The following SV2B variants were observed in gnomAD, a reference collection of about 807,000 sequenced individuals.
The protein encoded by SV2B is solute carrier family 22 member B2.
SV2B carries 41 observed loss-of-function variants against 73.9 expected under a neutral mutation model. The ratio of observed to expected loss-of-function variants is 0.56; its 90% CI spans 0.43 to 0.72. The LOEUF is 0.72. Among genes scored for constraint, SV2B ranks in the 30% least tolerant of loss-of-function variants. The pLI is 0.00. For synonymous variants in SV2B, 314 were observed against 314.2 expected (o/e 1.00, Z 0.01); for missense variants, 764 against 857.8 (o/e 0.89, Z 1.37).
Position 91,123,930 on chromosome 15 carries a change from G to A in SV2B, c.-392+23567G>A, listed in dbSNP as rs951117436. ...TATCTATAAATTACTCCCTTACCTA[G>A]AAATCACCTGGCACTGTTGCCCAGA... On this transcript the variant is annotated intron_variant, in intron 1 of 12. Transcript: ENST00000394232. This position sits in a 1 kb window ranked among gnomAD's most constrained non-coding sequence, Gnocchi z 4.7. Among the ~76,000 whole-genome samples the A allele has an allele frequency of 2.0e-5, 3 of 152,184 alleles. No individual in the cohort carries two copies. The highest frequency in any genetic ancestry group is 7.2e-5 in the African/African-American group (3 of 41,456).
rs2048066157 is a variant in SV2B, at chr15:91,265,431, C to G, written c.1009-1151C>G. 6.6e-6 allele frequency among the ~76,000 whole-genome samples: 1 copy of G among 152,182 alleles called. No individual in the cohort carries two copies. Among genetic ancestry groups the G allele is most frequent in the African/African-American group, 2.4e-5 (1 of 41,440 alleles). ...AGTGAGTAATTATGCTTCAAGTTGT[C>G]AACACACTCACTCCCTAATCCCAAA... On this transcript the variant is annotated intron_variant, in intron 6 of 12. Coordinates refer to ENST00000394232, the MANE Select transcript of SV2B (RefSeq NM_001323032.3). The surrounding 1 kb of genome is among the most constrained non-coding windows in gnomAD (Gnocchi z 4.2).
intron 5 of SV2B, among the ~76,000 whole-genome samples, chr15:91,259,594 TG>T (rs1194760780): frequency 3.9e-5 from 6 of 152,212 alleles, no homozygotes; most frequent in Admixed American, 2.6e-4. Context: ...TTCAGAGGCT[TG>T]AAGTCCCAAA....
At position 91,252,104 on chromosome 15, in the gene SV2B, G is replaced by A. The variant is rs1210110769; in HGVS notation, c.632+105G>A. 9 of 1,429,994 alleles carry A rather than the reference G, an allele frequency of 6.3e-6. No homozygotes were observed. Among genetic ancestry groups the A allele is most frequent in the Non-Finnish European group, 8.5e-6 (9 of 1,062,702 alleles). 88.6% of individuals were successfully genotyped at this position (1,429,994 alleles called of 1,614,324 possible). On this transcript the variant is annotated intron_variant, in intron 3 of 12. Transcript: ENST00000394232. The surrounding 1 kb of genome is among the most constrained non-coding windows in gnomAD (Gnocchi z 4.6). ...CTCTAGAAACCCTTGGACTGACTGA[G>A]TTTTTGTTTGACTTTCAGGATACTA...
At chr15:91,108,159 A>G (rs956834544) in intron 1 of SV2B, among the ~76,000 whole-genome samples, 2 of 152,094 alleles carry the variant, frequency 1.3e-5, no homozygotes, top group African/African-American at 4.8e-5. Flanking sequence ...GTGAAGGGAG[A>G]AATGAGAATT....
intron 1 of SV2B, among the ~76,000 whole-genome samples, chr15:91,142,066 G>C (rs2043012869): frequency 6.6e-6 from 1 of 151,984 alleles, no homozygotes; most frequent in South Asian, 2.1e-4. Flanking sequence ...GGATATGATG[G>C]GATCACACTC....
In SV2B at chr15:91,240,475, G is replaced by T. The variant is rs115761225; in HGVS notation, c.452-11344G>T. Among the ~76,000 whole-genome samples, 108 of 152,144 alleles carry T rather than the reference G, an allele frequency of 7.1e-4. No individual in the cohort carries two copies. Among genetic ancestry groups the T allele is most frequent in the African/African-American group, 2.5e-3 (102 of 41,518 alleles). On this transcript the variant is annotated intron_variant, in intron 2 of 12. Coordinates refer to ENST00000394232, the MANE Select transcript of SV2B (RefSeq NM_001323032.3). The surrounding 1 kb of genome is among the most constrained non-coding windows in gnomAD (Gnocchi z 4.6). ...GGGCTTGTTTACTGATGAACAAGAGGTGTTAGTCCCTCCTGTCCTGTCATG... is the reference window on the plus strand; with the variant it reads ...GGGCTTGTTTACTGATGAACAAGAGTTGTTAGTCCCTCCTGTCCTGTCATG...
chr15:91,132,945 G>T lies in SV2B; in HGVS notation c.-392+32582G>T, dbSNP rs2042701110. Among the ~76,000 whole-genome samples the T allele has an allele frequency of 6.6e-6, 1 of 152,208 alleles. No homozygotes were observed. Among genetic ancestry groups the T allele is most frequent in the African/African-American group, 2.4e-5 (1 of 41,454 alleles). The stretch of plus-strand genomic sequence containing the variant: ...TTCACTTAAGGCCAGTGCATAATAA[G>T]GGCTAAAAGACTAAAGACTATTGGG... On this transcript the variant is annotated intron_variant, in intron 1 of 12. Coordinates refer to ENST00000394232, the MANE Select transcript of SV2B (RefSeq NM_001323032.3). The surrounding 1 kb of genome is among the most constrained non-coding windows in gnomAD (Gnocchi z 4.6).
At position 91,101,784 on chromosome 15, in the gene SV2B, G is replaced by A. The variant is rs546351421; in HGVS notation, c.-392+1421G>A. On this transcript the variant is annotated intron_variant, in intron 1 of 12. Transcript: ENST00000394232. The stretch of plus-strand genomic sequence containing the variant: ...GCAGAGCTTTACAAGTCTCGGCTGG[G>A]CTGGTATTTGCAGTATGTGACTAGA... 4.6e-5 allele frequency: 7 copies of A among 152,332 alleles called. No individual in the cohort carries two copies. The South Asian group carries it at 1.4e-3, about 32-fold the overall frequency. 9.4% of individuals were successfully genotyped at this position (152,332 alleles called of 1,614,324 possible).
rs149291016 is a variant in SV2B, at chr15:91,233,068, C to T, written c.451+6354C>T. Reference sequence around the variant, plus strand: ...TCTTGTTTATGGCTGTGTAGTATTCCATGGTGTATATGCACCACCTTTTCT... The same window carrying T: ...TCTTGTTTATGGCTGTGTAGTATTCTATGGTGTATATGCACCACCTTTTCT... On this transcript the variant is annotated intron_variant, in intron 2 of 12. Transcript: ENST00000394232. Among the ~76,000 whole-genome samples, 26 of 152,242 alleles carry T rather than the reference C, an allele frequency of 1.7e-4. 1 individual carries two copies. Among genetic ancestry groups the T allele is most frequent in the African/African-American group, 5.8e-4 (24 of 41,542 alleles).
intron 1 of SV2B, among the ~76,000 whole-genome samples, chr15:91,169,303 A>G (rs572421974): frequency 3.3e-5 from 5 of 152,158 alleles, no homozygotes; most frequent in Non-Finnish European, 7.3e-5. Context: ...GTCTTCTTTA[A>G]GAACCTGGGC....
rs150216722 is a variant in SV2B, at chr15:91,229,550, T to C, written c.451+2836T>C. 2.1e-3 allele frequency among the ~76,000 whole-genome samples: 319 copies of C among 152,256 alleles called. 1 individual carries two copies. Among genetic ancestry groups the C allele is most frequent in the African/African-American group, 7.0e-3 (292 of 41,542 alleles). On this transcript the variant is annotated intron_variant, in intron 2 of 12. Coordinates refer to ENST00000394232, the MANE Select transcript of SV2B (RefSeq NM_001323032.3). The surrounding 1 kb of genome is among the most constrained non-coding windows in gnomAD (Gnocchi z 4.3). ...GAATCCTTGCTGTGCCAGTTCTTAG[T>C]AGTGTGGTTTTGAGAAAGTTGCCTG...
chr15:91,157,094 C>T (rs1377299118), intron 1 of SV2B, among the ~76,000 whole-genome samples: 1 of 152,110 alleles, frequency 6.6e-6, no homozygotes, highest in Non-Finnish European at 1.5e-5. Context: ...ATCATGGGAG[C>T]AGGTTAAAGA....
At chr15:91,270,656 A>C (rs912590515) in intron 9 of SV2B, among the ~76,000 whole-genome samples, 1 of 152,272 alleles carries the variant, frequency 6.6e-6, no homozygotes, top group Non-Finnish European at 1.5e-5. Context: ...AGCTAGGCAG[A>C]AAGTGGAGAC....
At chr15:91,282,544 T>G (rs537227345) in intron 10 of SV2B, among the ~76,000 whole-genome samples, 12 of 152,308 alleles carry the variant, frequency 7.9e-5, no homozygotes, top group Non-Finnish European at 1.5e-4. Context: ...ATGTACTATT[T>G]TTTTTTAATC....
intron 10 of SV2B, 149 bp downstream of exon 10, chr15:91,282,010 C>G: frequency 1.0e-6 from 1 of 988,194 alleles, no homozygotes; most frequent in Non-Finnish European, 1.4e-6. Flanking sequence ...GGATTTTAGC[C>G]CCAGGCATGG....
Position 91,214,209 on chromosome 15 carries a change from G to A in SV2B, c.-391-11664G>A, listed in dbSNP as rs1681319308. Among the ~76,000 whole-genome samples, 1 of 152,148 alleles carries A rather than the reference G, an allele frequency of 6.6e-6. No individual in the cohort carries two copies. Among genetic ancestry groups the A allele is most frequent in the South Asian group, 2.1e-4 (1 of 4,826 alleles). ...AGTGGTGACCCCAACCTGGGGATGA[G>A]GATTCAGGGCAGGGTTCCAGCAGAG... On this transcript the variant is annotated intron_variant, in intron 1 of 12. Transcript: ENST00000394232. This position sits in a 1 kb window ranked among gnomAD's most constrained non-coding sequence, Gnocchi z 4.7.
At chr15:91,198,029 C>T (rs567810923) in intron 1 of SV2B, among the ~76,000 whole-genome samples, 24 of 152,154 alleles carry the variant, frequency 1.6e-4, no homozygotes, top group South Asian at 4.2e-4. Flanking sequence ...AGCGAGAGTC[C>T]GTCTCAAAAC....
rs573237306 is a variant in SV2B, at chr15:91,129,582, A to T, written c.-392+29219A>T. ...AGGTCACATGTGCCCAGCACAGCAC[A>T]CTGGGCACAGACTAGGACTGCATCT... On this transcript the variant is annotated intron_variant, in intron 1 of 12. Coordinates refer to ENST00000394232, the MANE Select transcript of SV2B (RefSeq NM_001323032.3). The surrounding 1 kb of genome is among the most constrained non-coding windows in gnomAD (Gnocchi z 5.1). Among the ~76,000 whole-genome samples, 1 of 152,206 alleles carries T rather than the reference A, an allele frequency of 6.6e-6. No individual in the cohort carries two copies.
At chr15:91,169,081 G>T (rs1245743215) in intron 1 of SV2B, among the ~76,000 whole-genome samples, 2 of 152,138 alleles carry the variant, frequency 1.3e-5, no homozygotes, top group Non-Finnish European at 2.9e-5. Context: ...TACATTTGAT[G>T]ATGAGGAGGT....
Sources: gnomAD v4.1 joint callset for allele counts (sites outside exome capture counted in the v4.1 genomes callset) on GRCh38, gnomAD v4.1.1 for gene constraint, Gnocchi (gnomAD v3.1) non-coding constraint, MANE v1.5 for transcripts, NCBI Gene and HGNC (gene_info 2026-07-23, HGNC 2026-07-21) for gene names.